Variants in ZNF81 observed in about 807,000 individuals in gnomAD.
ZNF81 encodes the protein zinc finger protein 81.
In ZNF81, 5 loss-of-function variants were observed where a neutral mutation model predicts 32.3. The ratio of observed to expected loss-of-function variants is 0.15; its 90% CI spans 0.08 to 0.33. The LOEUF (loss-of-function observed/expected upper bound fraction) is 0.33. Among genes scored for constraint, ZNF81 ranks in the 10% least tolerant of loss-of-function variants. ZNF81 has a pLI of 1.00. For missense variants in ZNF81, 379 were observed against 479.8 expected (o/e 0.79, Z 1.96); for synonymous variants, 163 against 166.8 (o/e 0.98, Z 0.17).
intron 4 of ZNF81, among the ~76,000 whole-genome samples, chrX:47,911,785 GA>G (rs1156532559): frequency 9.0e-6 from 1 of 111,401 alleles, no homozygotes; most frequent in African/African-American, 3.3e-5. Context: ...ACATTCAGAA[GA>G]AAAAAACTTA....
chrX:47,922,186 A>G lies in ZNF81; in HGVS notation c.*5554A>G, dbSNP rs185759814. On this transcript the variant is annotated 3_prime_UTR_variant, in exon 5 of 5. Coordinates refer to ENST00000338637, the MANE Select transcript of ZNF81 (RefSeq NM_007137.5). ...ACTATTCTTCTCTAACAGATGACCA[A>G]TACTAATAAACTACTGTGAACACTT... is the stretch of plus-strand genomic sequence containing the variant. 176 of 112,337 alleles carry G rather than the reference A, an allele frequency of 1.6e-3. No individual in the cohort carries two copies. Among genetic ancestry groups the G allele is most frequent in the African/African-American group, 5.5e-3 (171 of 30,924 alleles). The allele number at this position is 112,337 out of a possible 1,213,427, so 9.3% of individuals were successfully genotyped here.
chrX:47,853,067 A>G (rs2058501819), intron 2 of ZNF81, among the ~76,000 whole-genome samples: 1 of 112,214 alleles, frequency 8.9e-6, no homozygotes, highest in South Asian at 3.6e-4. Context: ...GAGCAGTGAT[A>G]TTTTGTAAAA....
At position 47,846,214 on chromosome X, in the gene ZNF81, T is replaced by C; in HGVS notation, c.-54T>C. The stretch of plus-strand genomic sequence containing the variant: ...TTGAGTCCACCGATCCCACTGGAAT[T>C]ATAAAGTTGTCAGCAAGAAAGCCCC... On this transcript the variant is annotated 5_prime_UTR_variant, in exon 2 of 5. Transcript: ENST00000338637. The C allele has an allele frequency of 3.4e-6, 4 of 1,181,371 alleles. No homozygotes were observed. The highest frequency in any genetic ancestry group is 4.6e-6 in the Non-Finnish European group (4 of 876,362).
intron 1 of ZNF81, among the ~76,000 whole-genome samples, chrX:47,837,355 A>G (rs1270271895): frequency 8.9e-6 from 1 of 112,054 alleles, no homozygotes; most frequent in Non-Finnish European, 1.9e-5. Context: ...GTGAATTTTT[A>G]GAAACGTTCT....
In ZNF81 at chrX:47,916,104, G is replaced by C; in HGVS notation, c.1458G>C (p.Gln486His). Residue 486 changes from glutamine to histidine, a missense_variant, in exon 5 of 5, where the codon CAG (glutamine) becomes CAC (histidine). Physicochemically the swap from Gln to His is conservative, Grantham distance 24 (BLOSUM62 0). Coordinates refer to ENST00000338637, the MANE Select transcript of ZNF81 (RefSeq NM_007137.5). ...GKSFPSKSQLQMHKRIHTGEK... is the reference protein window; with the variant it reads ...GKSFPSKSQLHMHKRIHTGEK... ...CTTTCCCTTCTAAGTCACAACTCCA[G>C]ATGCATAAGAGAATTCATACAGGAG... The C allele has an allele frequency of 8.3e-7, 1 of 1,210,804 alleles. No individual in the cohort carries two copies. The highest frequency in any genetic ancestry group is 1.1e-6 in the Non-Finnish European group (1 of 895,218).
At chrX:47,893,331 G>A (rs1255777536) in intron 3 of ZNF81, among the ~76,000 whole-genome samples, 1 of 110,734 alleles carries the variant, frequency 9.0e-6, no homozygotes, top group African/African-American at 3.3e-5. Context: ...TGGGAAGGGA[G>A]AGGTTTTGGA....
rs1332703008 is a variant in ZNF81 at position 47,846,448 on chromosome X, T to C, written c.54+127T>C. 3.5e-5 allele frequency: 26 copies of C among 733,914 alleles called. No individual in the cohort carries two copies. The Admixed American group carries it at 6.8e-4, about 19-fold the overall frequency. The allele number at this position is 733,914 out of a possible 1,213,427, so 60.5% of individuals were successfully genotyped here. Reference sequence around the variant, plus strand: ...CAGGAAAATTTCCCCCCACCCTCATTTTTATTGGTCATTTATTTCCCTTTT... The same window carrying C: ...CAGGAAAATTTCCCCCCACCCTCATCTTTATTGGTCATTTATTTCCCTTTT... On this transcript the variant is annotated intron_variant, in intron 2 of 4. Transcript: ENST00000338637.
At chrX:47,910,886 A>C (rs1320438943) in intron 4 of ZNF81, among the ~76,000 whole-genome samples, 2 of 111,112 alleles carry the variant, frequency 1.8e-5, no homozygotes, top group African/African-American at 3.3e-5. Context: ...TTTTCTTACT[A>C]CTGCAATTCC....
intron 2 of ZNF81, among the ~76,000 whole-genome samples, chrX:47,861,736 C>T (rs1198012643): frequency 1.8e-5 from 2 of 112,336 alleles, no homozygotes; most frequent in Non-Finnish European, 3.8e-5. Flanking sequence ...CCTGATAAAA[C>T]CAGGTGTTTT....
intron 2 of ZNF81, among the ~76,000 whole-genome samples, chrX:47,847,333 G>A (rs966320261): frequency 9.0e-6 from 1 of 111,485 alleles, no homozygotes; most frequent in African/African-American, 3.3e-5. Flanking sequence ...TCCTACCTCA[G>A]CCTCCCAAGT....
chrX:47,860,281 T>C (rs2058534636), intron 2 of ZNF81, among the ~76,000 whole-genome samples: 1 of 108,118 alleles, frequency 9.2e-6, no homozygotes, highest in Admixed American at 1.0e-4. Context: ...GTTCATGCCA[T>C]TCTCCTGCCT....
At chrX:47,884,237 G>T in intron 2 of ZNF81, among the ~76,000 whole-genome samples, 1 of 58,024 alleles carries the variant, frequency 1.7e-5, no homozygotes, top group African/African-American at 7.0e-5. Flanking sequence ...AGAGCGAGAC[G>T]TCATCTAAAA....
intron 2 of ZNF81, among the ~76,000 whole-genome samples, chrX:47,880,131 C>T (rs1394735359): frequency 1.8e-5 from 2 of 112,091 alleles, no homozygotes; most frequent in Non-Finnish European, 3.8e-5. Context: ...CCAAATATGT[C>T]TGTGTGTTCA....
At chrX:47,903,468 A>T in intron 4 of ZNF81, among the ~76,000 whole-genome samples, 1 of 81,759 alleles carries the variant, frequency 1.2e-5, no homozygotes, top group Admixed American at 1.5e-4. Flanking sequence ...CAATTGCTTC[A>T]AAGAGAATAA....
chrX:47,838,622 T>C (rs1350238255), intron 1 of ZNF81, among the ~76,000 whole-genome samples: 1 of 111,434 alleles, frequency 9.0e-6, no homozygotes, highest in Non-Finnish European at 1.9e-5. Context: ...TTTTTGAATA[T>C]TGAACTAGTC....
At chrX:47,895,781 T>G (rs782700126) in intron 3 of ZNF81, 64 bp from the exon 4 acceptor site, 9 of 850,678 alleles carry the variant, frequency 1.1e-5, no homozygotes, top group Middle Eastern at 5.6e-4. Flanking sequence ...ATGTGGTTAC[T>G]TCTCCAAAGA....
chrX:47,855,498 A>G (rs1236541481), intron 2 of ZNF81, among the ~76,000 whole-genome samples: 1 of 111,314 alleles, frequency 9.0e-6, no homozygotes, highest in East Asian at 2.8e-4. Flanking sequence ...TGTTCCATTG[A>G]GCTAATAGTC....
chrX:47,916,286 T>G lies in ZNF81; in HGVS notation c.1640T>G (p.Ile547Ser). The change falls in exon 5 of 5, where the codon ATT (isoleucine) becomes AGT (serine). Residue 547 changes from isoleucine to serine, a missense_variant. This residue lies in a region of ZNF81 where 102 missense variants were observed against 173.2 expected (regional missense o/e 0.59). Coordinates refer to ENST00000338637, the MANE Select transcript of ZNF81 (RefSeq NM_007137.5). ...DRSNFNKHQT[I>S]HTGEKPYVCA... ...TCAAATTTCAATAAACACCAGACCATTCACACTGGAGAGAAACCCTATGTT... is the reference window on the plus strand; with the variant it reads ...TCAAATTTCAATAAACACCAGACCAGTCACACTGGAGAGAAACCCTATGTT... The G allele has an allele frequency of 8.3e-7, 1 of 1,211,318 alleles. No individual in the cohort carries two copies. The highest frequency in any genetic ancestry group is 1.1e-6 in the Non-Finnish European group (1 of 895,432).
At position 47,916,004 on chromosome X, in the gene ZNF81, A is replaced by G; in HGVS notation, c.1358A>G (p.Gln453Arg). Residue 453 changes from glutamine (Q) to arginine (R), a missense_variant, in exon 5 of 5, where the codon CAG (glutamine) becomes CGG (arginine). Transcript: ENST00000338637. ...ACTCAATGTGGGCAGGCCTTCATCC[A>G]GAAGGCACACTTGATTGCACATCAA... ...ICTQCGQAFI[Q>R]KAHLIAHQRI... The G allele has an allele frequency of 8.3e-7, 1 of 1,212,010 alleles. No homozygotes were observed. The highest frequency in any genetic ancestry group is 1.1e-6 in the Non-Finnish European group (1 of 895,576).
Sources: allele counts gnomAD v4.1 joint callset (sites outside exome capture counted in the v4.1 genomes callset), GRCh38; gene constraint gnomAD v4.1.1; regional missense constraint gnomAD v4.1.1; transcripts MANE v1.5; gene names NCBI Gene and HGNC (gene_info 2026-07-23, HGNC 2026-07-21).